The following SNTG2 variants were observed in gnomAD, a reference collection of about 807,000 sequenced individuals.
SNTG2 encodes syntrophin gamma 2.
A neutral mutation model predicts 70.9 loss-of-function variants in SNTG2; 74 were observed. The ratio of observed to expected loss-of-function variants is 1.04; its 90% CI spans 0.86 to 1.27. SNTG2 has a LOEUF of 1.27. Ranked by LOEUF, SNTG2 falls within the 50% of genes most tolerant of loss-of-function variation. The pLI is 0.00. For missense variants in SNTG2, 717 were observed against 690.7 expected, an observed-to-expected ratio of 1.04 and a Z score of -0.43; for synonymous variants, 278 against 273.8, an observed-to-expected ratio of 1.02 and a Z score of -0.15.
At chr2:1,087,464 G>C (rs1664757841) in intron 2 of SNTG2, among the ~76,000 whole-genome samples, 1 of 152,134 alleles carries the variant, frequency 6.6e-6, no homozygotes. Flanking sequence ...TAGGCCACTG[G>C]CCACACTCTG....
intron 15 of SNTG2, among the ~76,000 whole-genome samples, chr2:1,315,791 T>C (rs1363265437): frequency 6.6e-6 from 1 of 152,174 alleles, no homozygotes; most frequent in Non-Finnish European, 1.5e-5. Context: ...TGGGGTGGTG[T>C]CAGTCAGGAT....
intron 12 of SNTG2, among the ~76,000 whole-genome samples, chr2:1,251,109 T>C (rs1677728876): frequency 6.6e-6 from 1 of 152,174 alleles, no homozygotes; most frequent in African/African-American, 2.4e-5. Flanking sequence ...CGAATGAGCC[T>C]AGAGAGTAAT....
intron 1 of SNTG2, among the ~76,000 whole-genome samples, chr2:1,037,326 G>T (rs1661187871): frequency 6.6e-6 from 1 of 152,188 alleles, no homozygotes; most frequent in African/African-American, 2.4e-5. Flanking sequence ...TCTGAAGGAG[G>T]AATCCACATC....
intron 16 of SNTG2, among the ~76,000 whole-genome samples, chr2:1,357,257 A>G (rs1434578120): frequency 1.3e-5 from 2 of 152,168 alleles, no homozygotes; most frequent in African/African-American, 4.8e-5. Context: ...GCCTCTCACC[A>G]TAGAGTATGA....
intron 8 of SNTG2, among the ~76,000 whole-genome samples, chr2:1,202,049 C>T (rs912257147): frequency 1.4e-4 from 21 of 151,984 alleles, no homozygotes; most frequent in Non-Finnish European, 2.8e-4. Context: ...ACCTACACTA[C>T]AGGAAATACT....
intron 8 of SNTG2, among the ~76,000 whole-genome samples, chr2:1,176,192 A>G (rs769463381): frequency 5.9e-5 from 9 of 152,242 alleles, no homozygotes; most frequent in Admixed American, 2.6e-4. Flanking sequence ...ATAAAGCATC[A>G]TCAGGTTATT....
intron 16 of SNTG2, among the ~76,000 whole-genome samples, chr2:1,325,375 A>G (rs898947711): frequency 6.6e-6 from 1 of 152,228 alleles, no homozygotes; most frequent in African/African-American, 2.4e-5. Context: ...AGAAAAAAAG[A>G]AAGACTTTTT....
chr2:1,185,993 A>G (rs1341291935), intron 8 of SNTG2, among the ~76,000 whole-genome samples: 1 of 152,174 alleles, frequency 6.6e-6, no homozygotes, highest in African/African-American at 2.4e-5. Flanking sequence ...CTACTTTTAC[A>G]TCATTTTTTT....
At chr2:1,294,074 G>A (rs891665349) in intron 14 of SNTG2, among the ~76,000 whole-genome samples, 2 of 152,142 alleles carry the variant, frequency 1.3e-5, no homozygotes, top group Non-Finnish European at 2.9e-5. Context: ...ACTCTCTTTT[G>A]TCTCCACCAC....
At chr2:1,209,699 A>G (rs1472130409) in intron 9 of SNTG2, among the ~76,000 whole-genome samples, 1 of 152,210 alleles carries the variant, frequency 6.6e-6, no homozygotes, top group Non-Finnish European at 1.5e-5. Context: ...TTAATTAAAT[A>G]ATTTCAAAGA....
chr2:1,247,338 G>T lies in SNTG2; in HGVS notation c.900G>T (p.Met300Ile), dbSNP rs1024446167. Residue 300 changes from methionine (M) to isoleucine (I), a missense_variant, in exon 12 of 17, where the codon ATG becomes ATT. Physicochemically the swap from Met to Ile is conservative, Grantham distance 10. Transcript: ENST00000308624. ...CCSPSDQVVHMGWVNEKLQGA... is the reference protein window; with the variant it reads ...CCSPSDQVVHIGWVNEKLQGA... The stretch of plus-strand genomic sequence containing the variant: ...TCACCCCTCTGCAGGTTGTGCATAT[G>T]GGGTGGGTAAATGAGAAACTCCAAG... 6 of 1,612,722 alleles carry T rather than the reference G, an allele frequency of 3.7e-6. No individual in the cohort carries two copies. The highest frequency in any genetic ancestry group is 4.5e-5 in the East Asian group (2 of 44,878).
intron 1 of SNTG2, among the ~76,000 whole-genome samples, chr2:962,221 A>G (rs1330625492): frequency 6.6e-6 from 1 of 152,198 alleles, no homozygotes; most frequent in Non-Finnish European, 1.5e-5. Flanking sequence ...CCACAGGCAC[A>G]TGCCACTATC....
intron 1 of SNTG2, among the ~76,000 whole-genome samples, chr2:1,035,385 A>T (rs1661075321): frequency 6.6e-6 from 1 of 152,202 alleles, no homozygotes; most frequent in African/African-American, 2.4e-5. Flanking sequence ...GTGCTGTAGA[A>T]TGAGTATTAT....
At chr2:1,290,399 C>A (rs990878686) in intron 14 of SNTG2, among the ~76,000 whole-genome samples, 3 of 151,796 alleles carry the variant, frequency 2.0e-5, no homozygotes, top group African/African-American at 7.3e-5. Context: ...ACTGCAACCT[C>A]CGGCTCCCAG....
intron 1 of SNTG2, among the ~76,000 whole-genome samples, chr2:1,010,431 C>T (rs935002830): frequency 8.5e-5 from 13 of 152,136 alleles, no homozygotes; most frequent in Admixed American, 5.9e-4. Flanking sequence ...GCCTCATGAG[C>T]GTGGTGTGTG....
In SNTG2 at chr2:1,353,163, T is replaced by G. The variant is rs1326218519; in HGVS notation, c.1489-14180T>G. Among the ~76,000 whole-genome samples, 1 of 151,890 alleles carries G rather than the reference T, an allele frequency of 6.6e-6. No individual in the cohort carries two copies. The highest frequency in any genetic ancestry group is 2.4e-5 in the African/African-American group (1 of 41,340). On this transcript the variant is annotated intron_variant, in intron 16 of 16. Transcript: ENST00000308624. This position sits in a 1 kb window ranked among gnomAD's most constrained non-coding sequence, Gnocchi z 4.2. Reference sequence around the variant, plus strand: ...TGGCTGTGGCGGGAGCACATATACCTCAGCAGTGAGCAAAGGCTGCACATC... The same window carrying G: ...TGGCTGTGGCGGGAGCACATATACCGCAGCAGTGAGCAAAGGCTGCACATC...
At chr2:1,129,222 TCTCA>T (rs1667879210) in intron 4 of SNTG2, among the ~76,000 whole-genome samples, 4 of 152,226 alleles carry the variant, frequency 2.6e-5, no homozygotes, top group Non-Finnish European at 4.4e-5. Context: ...TACAGGTGGT[TCTCA>T]CTATTTAGCT....
At chr2:1,062,821 C>A (rs552929935) in intron 1 of SNTG2, among the ~76,000 whole-genome samples, 3 of 152,098 alleles carry the variant, frequency 2.0e-5, no homozygotes, top group Admixed American at 2.0e-4. Context: ...ATGGTGTATT[C>A]GTAAGTGATG....
intron 1 of SNTG2, among the ~76,000 whole-genome samples, chr2:1,047,835 A>G (rs1448045162): frequency 6.6e-6 from 1 of 152,126 alleles, no homozygotes; most frequent in African/African-American, 2.4e-5. Context: ...CTTTTTTTAA[A>G]TCTTATGGTA....
Sources: allele counts gnomAD v4.1 joint callset (sites outside exome capture counted in the v4.1 genomes callset), GRCh38; gene constraint gnomAD v4.1.1; non-coding constraint Gnocchi (gnomAD v3.1); transcripts MANE v1.5; gene names NCBI Gene and HGNC (gene_info 2026-07-23, HGNC 2026-07-21).